The following PELI2 variants were observed in gnomAD, a reference collection of about 807,000 sequenced individuals.
PELI2 encodes the protein E3 ubiquitin-protein ligase pellino homolog 2.
PELI2 carries 23 observed loss-of-function variants against 42.3 expected under a neutral mutation model. The observed-to-expected ratio is 0.54, with a 90% CI of 0.39 to 0.77. The LOEUF (loss-of-function observed/expected upper bound fraction) is 0.77, where lower values mean the gene tolerates loss of function less well. PELI2 is among the 30% of genes least tolerant of loss of function. PELI2 has a pLI of 0.00. For missense variants in PELI2, 463 were observed against 553.2 expected (o/e 0.84, Z 1.64); for synonymous variants, 245 against 212.2 (o/e 1.15, Z -1.34).
intron 1 of PELI2, among the ~76,000 whole-genome samples, chr14:56,120,038 C>G (rs1883005683): frequency 1.3e-5 from 2 of 152,190 alleles, no homozygotes; most frequent in Admixed American, 1.3e-4. Flanking sequence ...CCCAGTCTTC[C>G]TGACTTTGTT....
At chr14:56,124,165 A>C (rs1595533977) in intron 1 of PELI2, among the ~76,000 whole-genome samples, 1 of 152,206 alleles carries the variant, frequency 6.6e-6, no homozygotes, top group African/African-American at 2.4e-5. Context: ...TAAGAGCAGA[A>C]AGTGCTTCAT....
intron 1 of PELI2, among the ~76,000 whole-genome samples, chr14:56,146,224 C>G (rs1053778032): frequency 6.6e-6 from 1 of 152,070 alleles, no homozygotes; most frequent in African/African-American, 2.4e-5. Flanking sequence ...TCCTGTTGCC[C>G]CAAATGCATC....
rs114373276 is a variant in PELI2, at chr14:56,172,823, A to G, written c.78-5512A>G. Among the ~76,000 whole-genome samples, 773 of 152,248 alleles carry G rather than the reference A, an allele frequency of 5.1e-3. 3 individuals carry two copies. The highest frequency in any genetic ancestry group is 0.017 in the African/African-American group (724 of 41,552). ...TCACCAATGACTCATTCTTTTCCAA[A>G]TCGTGGTTGTGCATTTTCTTTCTCT... is the stretch of plus-strand genomic sequence containing the variant. On this transcript the variant is annotated intron_variant, in intron 1 of 5. Coordinates refer to ENST00000267460, the MANE Select transcript of PELI2 (RefSeq NM_021255.3).
At chr14:56,237,349 C>G (rs1887834526) in intron 2 of PELI2, among the ~76,000 whole-genome samples, 1 of 152,166 alleles carries the variant, frequency 6.6e-6, no homozygotes, top group Non-Finnish European at 1.5e-5. Context: ...TTCACAGAAT[C>G]CATGGCAGAA....
At position 56,296,995 on chromosome 14, in the gene PELI2, T is replaced by C; in HGVS notation, c.1092T>C (p.His364=). ...ATGTAGACGCAGGACCGCCAACTCA[T>C]GCTTTCACTCCCTGTGGACACGTGT... ...GFYVDAGPPT[H]AFTPCGHVCS... The change falls in exon 6 of 6, where the codon CAT becomes CAC. Residue 364 remains histidine (H), a synonymous_variant. Transcript: ENST00000267460. The C allele has an allele frequency of 1.2e-6, 2 of 1,614,196 alleles. No homozygotes were observed. The highest frequency in any genetic ancestry group is 1.7e-6 in the Non-Finnish European group (2 of 1,180,028).
chr14:56,158,839 A>G (rs1294110560), intron 1 of PELI2, among the ~76,000 whole-genome samples: 1 of 152,230 alleles, frequency 6.6e-6, no homozygotes, highest in East Asian at 1.9e-4. Flanking sequence ...ACAGATTTTA[A>G]AAGACATAGT....
intron 1 of PELI2, among the ~76,000 whole-genome samples, chr14:56,152,821 C>A (rs1884415240): frequency 6.6e-6 from 1 of 152,172 alleles, no homozygotes; most frequent in South Asian, 2.1e-4. Context: ...GAAGTTTTCA[C>A]ATACTGAAAT....
chr14:56,229,373 G>C (rs1218923242), intron 2 of PELI2, among the ~76,000 whole-genome samples: 2 of 152,200 alleles, frequency 1.3e-5, no homozygotes, highest in East Asian at 3.9e-4. Context: ...CATACAGCAG[G>C]GTGCCCCTCT....
intron 2 of PELI2, among the ~76,000 whole-genome samples, chr14:56,204,960 G>A (rs1473055084): frequency 6.6e-6 from 1 of 151,380 alleles, no homozygotes; most frequent in Non-Finnish European, 1.5e-5. Context: ...GACATGGGAG[G>A]CGGAGGGTGC....
At chr14:56,220,580 G>A (rs558418938) in intron 2 of PELI2, among the ~76,000 whole-genome samples, 1 of 152,244 alleles carries the variant, frequency 6.6e-6, no homozygotes, top group Admixed American at 6.5e-5. Flanking sequence ...ATCATGAGAT[G>A]AAACAATCAG....
chr14:56,301,115 T>A lies in PELI2; in HGVS notation c.*3949T>A, dbSNP rs919128295. 3 of 152,634 alleles carry A rather than the reference T, an allele frequency of 2.0e-5. No individual in the cohort carries two copies. Among genetic ancestry groups the A allele is most frequent in the Non-Finnish European group, 4.4e-5 (3 of 68,038 alleles). 9.5% of individuals were successfully genotyped at this position (152,634 alleles called of 1,614,324 possible). The stretch of plus-strand genomic sequence containing the variant: ...TCTCTGTATTAAATAGTCTAGAAGT[T>A]AAGGGGATGGTCACATTTACCATGT... On this transcript the variant is annotated 3_prime_UTR_variant, in exon 6 of 6. Coordinates refer to ENST00000267460, the MANE Select transcript of PELI2 (RefSeq NM_021255.3).
intron 2 of PELI2, among the ~76,000 whole-genome samples, chr14:56,232,600 G>A (rs1887626446): frequency 6.6e-6 from 1 of 151,936 alleles, no homozygotes; most frequent in Non-Finnish European, 1.5e-5. Context: ...GTATCAACGG[G>A]ACATATCTCA....
chr14:56,137,497 C>T (rs1382893972), intron 1 of PELI2, among the ~76,000 whole-genome samples: 2 of 152,278 alleles, frequency 1.3e-5, no homozygotes, highest in Middle Eastern at 3.4e-3. Context: ...TTATCACCTC[C>T]AGAATGTTGC....
At chr14:56,169,774 G>A (rs186815518) in intron 1 of PELI2, among the ~76,000 whole-genome samples, 31 of 152,230 alleles carry the variant, frequency 2.0e-4, no homozygotes, top group African/African-American at 7.0e-4. Context: ...ATATTGCTCC[G>A]CCTCCTCCTA....
At chr14:56,254,203 A>C (rs1365300271) in intron 2 of PELI2, among the ~76,000 whole-genome samples, 1 of 152,168 alleles carries the variant, frequency 6.6e-6, no homozygotes, top group Non-Finnish European at 1.5e-5. Flanking sequence ...GATCAAGACC[A>C]TCCTGGCCAA....
At position 56,214,324 on chromosome 14, in the gene PELI2, A is replaced by T. The variant is rs369326589; in HGVS notation, c.207+35860A>T. The stretch of plus-strand genomic sequence containing the variant: ...AGCTATGCAGTGGCCTTACAGGATG[A>T]TTTGGGATAGGAAATGATGCTACTT... On this transcript the variant is annotated intron_variant, in intron 2 of 5. Transcript: ENST00000267460. 1.3e-4 allele frequency among the ~76,000 whole-genome samples: 20 copies of T among 152,136 alleles called. 1 individual carries two copies. Among genetic ancestry groups the T allele is most frequent in the East Asian group, 3.9e-4 (2 of 5,188 alleles).
At chr14:56,145,057 G>T in intron 1 of PELI2, 1 of 565,982 alleles carries the variant, frequency 1.8e-6, no homozygotes. Context: ...AACTTCCTGA[G>T]ACTAGGTTCT....
chr14:56,197,040 T>G lies in PELI2; in HGVS notation c.207+18576T>G, dbSNP rs987652740. Among the ~76,000 whole-genome samples the G allele has an allele frequency of 1.3e-4, 8 of 61,854 alleles. No individual in the cohort carries two copies. Among genetic ancestry groups the G allele is most frequent in the African/African-American group, 2.7e-4 (8 of 29,126 alleles). 40.6% of individuals were successfully genotyped at this position (61,854 alleles called of 152,430 possible). A position where few individuals can be genotyped will look rare whatever the true frequency, so the allele number is the denominator to read the frequency against. ...TGTTTAGATTTTTCTTGCATTAGAA[T>G]TTTTTGTTTATTTAATTAATATTAA... On this transcript the variant is annotated intron_variant, in intron 2 of 5. Transcript: ENST00000267460. This position sits in a 1 kb window ranked among gnomAD's most constrained non-coding sequence, Gnocchi z 4.9.
At chr14:56,179,732 T>G (rs1310516301) in intron 2 of PELI2, among the ~76,000 whole-genome samples, 2 of 152,178 alleles carry the variant, frequency 1.3e-5, no homozygotes, top group African/African-American at 4.8e-5. Flanking sequence ...GAGAAACATT[T>G]TATACTCCAA....
Sources: allele counts gnomAD v4.1 joint callset (sites outside exome capture counted in the v4.1 genomes callset), GRCh38; gene constraint gnomAD v4.1.1; non-coding constraint Gnocchi (gnomAD v3.1); transcripts MANE v1.5; gene names NCBI Gene and HGNC (gene_info 2026-07-23, HGNC 2026-07-21).